RGS3: variants seen among roughly 807,000 people sequenced by gnomAD.
RGS3 encodes regulator of G protein signaling 3.
Under a neutral mutation model 132.6 loss-of-function variants are expected in RGS3, and 80 were observed. The observed-to-expected ratio is 0.60, with a 90% confidence interval of 0.50 to 0.73. The LOEUF is 0.73. Ranked by LOEUF, RGS3 falls within the 30% of genes least tolerant of loss-of-function variation. The pLI, the probability that RGS3 is intolerant of heterozygous loss-of-function variation, is 0.00. For missense variants in RGS3, 1,382 were observed against 1,530.8 expected (o/e 0.90, Z 1.62); for synonymous variants, 598 against 620.6 (o/e 0.96, Z 0.54).
intron 14 of RGS3, among the ~76,000 whole-genome samples, chr9:113,509,112 C>G (rs1281085281): frequency 6.6e-6 from 1 of 151,862 alleles, no homozygotes; most frequent in African/African-American, 2.4e-5. Flanking sequence ...AGTGAAACCC[C>G]GTCTCTACTA....
chr9:113,527,529 C>T (rs1425867865), intron 17 of RGS3, among the ~76,000 whole-genome samples: 5 of 152,318 alleles, frequency 3.3e-5, no homozygotes, highest in African/African-American at 1.2e-4. Flanking sequence ...GCAGGACTCC[C>T]TCCCTCCCCA....
intron 8 of RGS3, among the ~76,000 whole-genome samples, chr9:113,496,969 C>A (rs1195319886): frequency 6.6e-6 from 1 of 152,218 alleles, no homozygotes; most frequent in African/African-American, 2.4e-5. Flanking sequence ...CACTCCTTCA[C>A]TTCTGTTCTG....
chr9:113,495,795 A>G (rs757863750), exon 8 of RGS3: 1 of 1,614,034 alleles, frequency 6.2e-7, no homozygotes, highest in East Asian at 2.2e-5. Context: ...GACAGAGTGG[A>G]CTCATTGGCT....
chr9:113,508,650 A>G, intron 14 of RGS3, 70 bp downstream of exon 12: 2 of 1,526,922 alleles, frequency 1.3e-6, no homozygotes, highest in South Asian at 2.2e-5. Context: ...GGCCTGGCCC[A>G]GCCTCCGCCC....
chr9:113,526,231 G>T (rs111712902), intron 17 of RGS3, among the ~76,000 whole-genome samples: 2 of 152,238 alleles, frequency 1.3e-5, no homozygotes, highest in Admixed American at 1.3e-4. Flanking sequence ...TTAGAGCCAG[G>T]TAGGCAGTTG....
chr9:113,546,746 A>G (rs771656065), intron 19 of RGS3, among the ~76,000 whole-genome samples: 1 of 152,232 alleles, frequency 6.6e-6, no homozygotes, highest in African/African-American at 2.4e-5. Flanking sequence ...CTGTGTTCCC[A>G]TGCTGACACT....
intron 19 of RGS3, among the ~76,000 whole-genome samples, chr9:113,580,308 T>G (rs1834727844): frequency 6.6e-6 from 1 of 152,266 alleles, no homozygotes; most frequent in Non-Finnish European, 1.5e-5. Flanking sequence ...GGAGAGACCC[T>G]GGGCAGGAGA....
At chr9:113,502,257 T>A (rs1449403593) in intron 10 of RGS3, among the ~76,000 whole-genome samples, 1 of 152,160 alleles carries the variant, frequency 6.6e-6, no homozygotes, top group Non-Finnish European at 1.5e-5. Context: ...GATGGGCCAT[T>A]TTTTCTCATA....
chr9:113,483,444 TC>T (rs1162597374), intron 5 of RGS3, among the ~76,000 whole-genome samples: 1 of 152,052 alleles, frequency 6.6e-6, no homozygotes, highest in African/African-American at 2.4e-5. Context: ...TCACCCACTT[TC>T]CCCCCAAACT....
exon 14 of RGS3, chr9:113,508,577 G>A (rs921030386): frequency 1.1e-5 from 17 of 1,612,204 alleles, no homozygotes; most frequent in East Asian, 6.7e-5. Flanking sequence ...TACCATCCCC[G>A]AAGGTGAGTC....
Position 113,562,431 on chromosome 9 carries a change from C to T in RGS3, c.2038-21019C>T, listed in dbSNP as rs1192300603. ...GGCAGAGGTTGCAGTGAGCCAAGATCGTGCCACTGCACTCCAGCCTGGGTG... is the reference window on the plus strand; with the variant it reads ...GGCAGAGGTTGCAGTGAGCCAAGATTGTGCCACTGCACTCCAGCCTGGGTG... On this transcript the variant is annotated intron_variant, in intron 19 of 24. Coordinates refer to ENST00000350696, the Ensembl canonical transcript of RGS3. 5.5e-5 allele frequency among the ~76,000 whole-genome samples: 8 copies of T among 146,466 alleles called. No homozygotes were observed. The South Asian group carries it at 8.6e-4, about 16-fold the overall frequency.
intron 10 of RGS3, among the ~76,000 whole-genome samples, chr9:113,499,340 G>A (rs1277297996): frequency 1.3e-5 from 2 of 151,464 alleles, no homozygotes; most frequent in Non-Finnish European, 2.9e-5. Context: ...TGTTACTTCC[G>A]CATCTCACAG....
At chr9:113,595,909 C>G in intron 24 of RGS3, 144 bp downstream of exon 22, 1 of 886,788 alleles carries the variant, frequency 1.1e-6, no homozygotes, top group Non-Finnish European at 1.7e-6. Context: ...AAGATGCAAG[C>G]TAGGATCAGG....
At chr9:113,561,035 T>A (rs1057000318) in intron 19 of RGS3, among the ~76,000 whole-genome samples, 2 of 152,194 alleles carry the variant, frequency 1.3e-5, no homozygotes, top group African/African-American at 4.8e-5. Context: ...TCTCTTTTTT[T>A]CTTTTTGAAA....
chr9:113,513,510 A>G (rs1371235460), intron 14 of RGS3, among the ~76,000 whole-genome samples: 1 of 152,220 alleles, frequency 6.6e-6, no homozygotes, highest in Non-Finnish European at 1.5e-5. Context: ...CAACAACGAA[A>G]CAACACTGAG....
In RGS3 at chr9:113,566,997, C is replaced by T. The variant is rs1280676889; in HGVS notation, c.2038-16453C>T. Among the ~76,000 whole-genome samples the T allele has an allele frequency of 2.6e-5, 4 of 152,218 alleles. No individual in the cohort carries two copies. In the East Asian group the frequency reaches 7.7e-4, roughly 29 times the overall value. ...GCAGGCCCTTCAGGGAGCCGAGTTC[C>T]ACAACAGGGCTCACTGCAAGCCCAG... On this transcript the variant is annotated intron_variant, in intron 19 of 24. Transcript: ENST00000350696.
intron 14 of RGS3, among the ~76,000 whole-genome samples, chr9:113,512,603 G>A (rs1278219452): frequency 2.6e-5 from 4 of 152,142 alleles, no homozygotes; most frequent in Non-Finnish European, 4.4e-5. Flanking sequence ...CGAGGCTGTG[G>A]GTGCGCGTTG....
At chr9:113,585,378 G>A (rs896744739) in intron 20 of RGS3, among the ~76,000 whole-genome samples, 8 of 152,262 alleles carry the variant, frequency 5.3e-5, no homozygotes, top group Admixed American at 3.3e-4. Flanking sequence ...AGAGGCTGGT[G>A]CCTGATAACA....
At chr9:113,501,384 G>A (rs1830884286) in intron 10 of RGS3, 1 of 1,379,756 alleles carries the variant, frequency 7.2e-7, no homozygotes, top group South Asian at 1.6e-5. Flanking sequence ...GTTTCAGGAA[G>A]CCTTCGGGCT....
Sources: allele counts gnomAD v4.1 joint callset (sites outside exome capture counted in the v4.1 genomes callset), GRCh38; gene constraint gnomAD v4.1.1; transcripts MANE v1.5; gene names NCBI Gene and HGNC (gene_info 2026-07-23, HGNC 2026-07-21).